ERCC6L: variants seen among roughly 807,000 people sequenced by gnomAD.
ERCC6L encodes DNA excision repair protein ERCC-6-like.
In ERCC6L, 7 loss-of-function variants were observed where a neutral mutation model predicts 20.1. That is an observed-to-expected ratio of 0.35 (90% CI 0.20 to 0.65). The LOEUF (loss-of-function observed/expected upper bound fraction) is 0.65. Ranked by LOEUF, ERCC6L falls within the 30% of genes least tolerant of loss-of-function variation. The pLI is 0.69. For missense variants in ERCC6L, 592 were observed against 892.4 expected, an observed-to-expected ratio of 0.66 and a Z score of 4.29; for synonymous variants, 278 against 331.3, an observed-to-expected ratio of 0.84 and a Z score of 1.75.
intron 1 of ERCC6L, among the ~76,000 whole-genome samples, chrX:72,216,418 T>A (rs1395340589): frequency 1.8e-5 from 2 of 112,090 alleles, no homozygotes; most frequent in African/African-American, 3.2e-5. Context: ...CTAGGTTTTT[T>A]AAAAAAATGT....
chrX:72,213,368 C>T (rs767554963), intron 1 of ERCC6L, among the ~76,000 whole-genome samples: 49 of 111,766 alleles, frequency 4.4e-4, no homozygotes, highest in Non-Finnish European at 7.5e-5. Context: ...CCCGAGAGCA[C>T]AGGGGGAGGG....
chrX:72,223,112 G>A (rs755325959), intron 1 of ERCC6L, among the ~76,000 whole-genome samples: 28 of 100,644 alleles, frequency 2.8e-4, no homozygotes, highest in Middle Eastern at 5.4e-3. Flanking sequence ...CGAGGCAGGC[G>A]GATCACGAGG....
chrX:72,214,077 C>T (rs2065942256), intron 1 of ERCC6L, among the ~76,000 whole-genome samples: 1 of 112,076 alleles, frequency 8.9e-6, no homozygotes, highest in South Asian at 3.7e-4. Context: ...ATTTGGATAA[C>T]ATAAAAATTG....
Position 72,205,045 on chromosome X carries a change from A to G in ERCC6L, c.3722T>C (p.Leu1241Ser). The change falls in exon 2 of 2, where the codon TTA becomes TCA. Residue 1241 changes from leucine (L) to serine (S), a missense_variant. This residue lies in a region of ERCC6L where 352 missense variants were observed against 402.6 expected (regional missense o/e 0.87). Transcript: ENST00000334463. ...SADPEVMLLT[L>S]SLYKQLNNN ...GTTATTAAGTTGCTTATACAAACTT[A>G]AAGTCAAGAGCATAACTTCAGGATC... 8.3e-7 allele frequency: 1 copy of G among 1,203,861 alleles called. No homozygotes were observed. The highest frequency in any genetic ancestry group is 1.1e-6 in the Non-Finnish European group (1 of 892,225).
At chrX:72,231,344 G>A (rs750729447) in intron 1 of ERCC6L, among the ~76,000 whole-genome samples, 105 of 111,241 alleles carry the variant, frequency 9.4e-4, no homozygotes, top group Non-Finnish European at 1.7e-3. Context: ...CCATGATCTC[G>A]CTTATACATG....
Position 72,238,946 on chromosome X carries a change from A to C in ERCC6L, c.-35T>G. On this transcript the variant is annotated 5_prime_UTR_variant, in exon 1 of 2. Coordinates refer to ENST00000334463, the MANE Select transcript of ERCC6L (RefSeq NM_017669.4). ...ATTGGGTTCCAGTTACCCCGGCGGG[A>C]GTTTGGAGCTTGGAGCTTGGAGCTT... 8.8e-7 allele frequency: 1 copy of C among 1,131,727 alleles called. No individual in the cohort carries two copies. The highest frequency in any genetic ancestry group is 1.2e-6 in the Non-Finnish European group (1 of 841,249). The allele number at this position is 1,131,727 out of a possible 1,213,427, so 93.3% of individuals were successfully genotyped here. A position where few individuals can be genotyped will look rare whatever the true frequency, so the allele number is the denominator to read the frequency against.
chrX:72,207,826 GA>G lies in ERCC6L; in HGVS notation c.940del (p.Ser314LeufsTer4). ...TTTTATGATTGCCATTAAGTTTTCA[GA>G]TATTTTAAATCCCAAGGCTTTTTCT... Reference protein sequence around the residue: ...PGEKALGFKISENLMAIIKPY... With the variant: ...PGEKALGFKIXENLMAIIKPY... On this transcript the variant is annotated frameshift_variant, in exon 2 of 2. Transcript: ENST00000334463. LOFTEE classifies it high-confidence loss of function. The G allele has an allele frequency of 8.3e-7, 1 of 1,207,593 alleles. No individual in the cohort carries two copies. The highest frequency in any genetic ancestry group is 1.8e-5 in the South Asian group (1 of 55,793).
chrX:72,218,457 T>C (rs1275007000), intron 1 of ERCC6L, among the ~76,000 whole-genome samples: 2 of 108,667 alleles, frequency 1.8e-5, no homozygotes, highest in Non-Finnish European at 3.8e-5. Flanking sequence ...CCCCTGTATT[T>C]CTATATGGCT....
rs185489165 is a variant in ERCC6L at position 72,226,370 on chromosome X, C to T, written c.68+12474G>A. ...ACCTAGAAGAGTCGTAGAGGCTGCC[C>T]CCTTGCCTTTGGGCATATCCTCCCA... is the stretch of plus-strand genomic sequence containing the variant. On this transcript the variant is annotated intron_variant, in intron 1 of 1. Transcript: ENST00000334463. Among the ~76,000 whole-genome samples, 919 of 111,694 alleles carry T rather than the reference C, an allele frequency of 8.2e-3. 8 individuals are homozygous for T. Among genetic ancestry groups the T allele is most frequent in the African/African-American group, 0.028 (873 of 30,787 alleles).
intron 1 of ERCC6L, among the ~76,000 whole-genome samples, chrX:72,229,494 T>G (rs762344578): frequency 2.7e-5 from 3 of 112,040 alleles, no homozygotes; most frequent in African/African-American, 9.7e-5. Flanking sequence ...GGCCTCCTCC[T>G]TGTCCATTTG....
intron 1 of ERCC6L, chrX:72,237,851 G>T (rs1024474746): frequency 8.9e-6 from 1 of 111,974 alleles, no homozygotes; most frequent in African/African-American, 3.2e-5. Context: ...AGCTACTAGG[G>T]AGGCTGGGGC....
intron 1 of ERCC6L, among the ~76,000 whole-genome samples, chrX:72,209,483 C>A (rs2042840202): frequency 8.9e-6 from 1 of 112,222 alleles, no homozygotes; most frequent in South Asian, 3.7e-4. Flanking sequence ...ACCCAAACTT[C>A]AAATCTGAAG....
Position 72,210,863 on chromosome X carries a change from G to T in ERCC6L, c.69-2165C>A, listed in dbSNP as rs192396396. ...GCTGTGAGCCAAGCTGCCTTCCCCA[G>T]TCCCTGGTCCACCCTAGTTAGCAGG... On this transcript the variant is annotated intron_variant, in intron 1 of 1. Coordinates refer to ENST00000334463, the MANE Select transcript of ERCC6L (RefSeq NM_017669.4). Among the ~76,000 whole-genome samples, 400 of 111,826 alleles carry T rather than the reference G, an allele frequency of 3.6e-3. 2 individuals carry two copies. The highest frequency in any genetic ancestry group is 0.013 in the African/African-American group (386 of 30,793).
At chrX:72,233,462 G>A (rs1048817399) in intron 1 of ERCC6L, among the ~76,000 whole-genome samples, 2 of 111,528 alleles carry the variant, frequency 1.8e-5, no homozygotes, top group South Asian at 3.8e-4. Flanking sequence ...GGTAGCTCAC[G>A]CCTGTAATCA....
chrX:72,229,681 T>A (rs2042972431), intron 1 of ERCC6L, among the ~76,000 whole-genome samples: 1 of 111,560 alleles, frequency 9.0e-6, no homozygotes, highest in Admixed American at 9.6e-5. Context: ...TCTCCCTCCA[T>A]TGGACTTGTT....
At chrX:72,221,358 G>A (rs2042922120) in intron 1 of ERCC6L, among the ~76,000 whole-genome samples, 2 of 111,933 alleles carry the variant, frequency 1.8e-5, no homozygotes, top group African/African-American at 6.5e-5. Context: ...GGACCAGCAG[G>A]ACTAAAAAGC....
At chrX:72,230,859 G>A (rs1485416436) in intron 1 of ERCC6L, among the ~76,000 whole-genome samples, 1 of 111,627 alleles carries the variant, frequency 9.0e-6, no homozygotes, top group South Asian at 3.8e-4. Context: ...CAGCTACTTG[G>A]GGGGCTGAGG....
chrX:72,217,435 A>G (rs764777102), intron 1 of ERCC6L, among the ~76,000 whole-genome samples: 1 of 111,886 alleles, frequency 8.9e-6, no homozygotes, highest in East Asian at 2.8e-4. Flanking sequence ...ATATTACAGA[A>G]AGCCTTACGC....
At chrX:72,216,254 C>A (rs1009315023) in intron 1 of ERCC6L, among the ~76,000 whole-genome samples, 1 of 107,802 alleles carries the variant, frequency 9.3e-6, no homozygotes, top group South Asian at 4.2e-4. Context: ...AATGGAGTGA[C>A]GCATCTACAA....
Sources: allele counts gnomAD v4.1 joint callset (sites outside exome capture counted in the v4.1 genomes callset), GRCh38; gene constraint gnomAD v4.1.1; regional missense constraint gnomAD v4.1.1; transcripts MANE v1.5; gene names NCBI Gene and HGNC (gene_info 2026-07-23, HGNC 2026-07-21).